ATXN10: variants seen among roughly 807,000 people sequenced by gnomAD.
ATXN10 encodes the protein ataxin 10.
ATXN10 carries 28 observed loss-of-function variants against 52.9 expected under a neutral mutation model. The observed-to-expected ratio is 0.53, with a 90% CI of 0.39 to 0.73. The LOEUF is 0.73. Among genes scored for constraint, ATXN10 ranks in the 30% least tolerant of loss-of-function variants. ATXN10 has a pLI of 0.00. For missense variants in ATXN10, 565 were observed against 577.0 expected (o/e 0.98, Z 0.21); for synonymous variants, 226 against 221.5 (o/e 1.02, Z -0.18).
Position 45,684,576 on chromosome 22 carries a change from C to T in ATXN10, c.117-5136C>T, listed in dbSNP as rs1452037722. Among the ~76,000 whole-genome samples, 1 of 152,132 alleles carries T rather than the reference C, an allele frequency of 6.6e-6. No homozygotes were observed. The highest frequency in any genetic ancestry group is 1.5e-5 in the Non-Finnish European group (1 of 68,016). On this transcript the variant is annotated intron_variant, in intron 1 of 11. Transcript: ENST00000252934. The surrounding 1 kb of genome is among the most constrained non-coding windows in gnomAD (Gnocchi z 4.1). ...AGTTTCATTAGAGCCCAGCCATGTTCACTTGTTTAGGTGTTTCCTGTGGCT... is the reference window on the plus strand; with the variant it reads ...AGTTTCATTAGAGCCCAGCCATGTTTACTTGTTTAGGTGTTTCCTGTGGCT...
At chr22:45,745,168 T>A (rs960081564) in intron 9 of ATXN10, among the ~76,000 whole-genome samples, 5 of 152,132 alleles carry the variant, frequency 3.3e-5, no homozygotes, top group Admixed American at 2.6e-4. Context: ...ATTCTTCAGC[T>A]TCTTCTTTGT....
At position 45,786,653 on chromosome 22, in the gene ATXN10, C is replaced by T. The variant is rs1927333229; in HGVS notation, c.1174-20306C>T. Reference sequence around the variant, plus strand: ...CTTGTACTATTAAATGCCTTTATCTCATAAAATCTTAATTTATAAAATGTA... The same window carrying T: ...CTTGTACTATTAAATGCCTTTATCTTATAAAATCTTAATTTATAAAATGTA... On this transcript the variant is annotated intron_variant, in intron 9 of 11. Coordinates refer to ENST00000252934, the MANE Select transcript of ATXN10 (RefSeq NM_013236.4). The surrounding 1 kb of genome is among the most constrained non-coding windows in gnomAD (Gnocchi z 4.1). Among the ~76,000 whole-genome samples the T allele has an allele frequency of 6.6e-6, 1 of 152,218 alleles. No homozygotes were observed. The highest frequency in any genetic ancestry group is 1.5e-5 in the Non-Finnish European group (1 of 68,034).
In ATXN10 at chr22:45,756,160, T is replaced by C. The variant is rs535361739; in HGVS notation, c.1173+15622T>C. ...TGTTTACCTAGACTTTTTTTTTTTT[T>C]AAAGAGACAAGGTTGTGCTTTCTCA... On this transcript the variant is annotated intron_variant, in intron 9 of 11. Coordinates refer to ENST00000252934, the MANE Select transcript of ATXN10 (RefSeq NM_013236.4). Among the ~76,000 whole-genome samples the C allele has an allele frequency of 3.9e-5, 6 of 152,252 alleles. No individual in the cohort carries two copies. The South Asian group carries it at 1.2e-3, about 32-fold the overall frequency.
At chr22:45,808,288 A>T (rs1451092384) in intron 10 of ATXN10, among the ~76,000 whole-genome samples, 2 of 152,226 alleles carry the variant, frequency 1.3e-5, no homozygotes, top group African/African-American at 4.8e-5. Flanking sequence ...ACAATTGCAG[A>T]TGTTGCATTT....
chr22:45,830,041 A>G (rs996720434), intron 10 of ATXN10, among the ~76,000 whole-genome samples: 1 of 152,246 alleles, frequency 6.6e-6, no homozygotes, highest in Non-Finnish European at 1.5e-5. Context: ...GTGGGACAGA[A>G]TAGAGAATCC....
At position 45,757,268 on chromosome 22, in the gene ATXN10, G is replaced by C. The variant is rs781698605; in HGVS notation, c.1173+16730G>C. On this transcript the variant is annotated intron_variant, in intron 9 of 11. Coordinates refer to ENST00000252934, the MANE Select transcript of ATXN10 (RefSeq NM_013236.4). The surrounding 1 kb of genome is among the most constrained non-coding windows in gnomAD (Gnocchi z 4.6). Reference sequence around the variant, plus strand: ...TGCCTGTTGGAATTCCAACCCTGGCGACTTTCAGCTACACCCTCCTCCCTC... The same window carrying C: ...TGCCTGTTGGAATTCCAACCCTGGCCACTTTCAGCTACACCCTCCTCCCTC... 2.0e-5 allele frequency among the ~76,000 whole-genome samples: 3 copies of C among 152,124 alleles called. No individual in the cohort carries two copies. The South Asian group carries it at 6.2e-4, about 32-fold the overall frequency.
intron 9 of ATXN10, among the ~76,000 whole-genome samples, chr22:45,771,413 CTT>C (rs908863420): frequency 3.2e-5 from 4 of 123,218 alleles, no homozygotes; most frequent in Admixed American, 8.2e-5. Context: ...ATGCTTGAGT[CTT>C]TTTTTTTTTT....
At chr22:45,799,264 A>G (rs1927854384) in intron 9 of ATXN10, among the ~76,000 whole-genome samples, 1 of 152,142 alleles carries the variant, frequency 6.6e-6, no homozygotes, top group South Asian at 2.1e-4. Context: ...AAAATTGATG[A>G]GCTGGTTTTA....
intron 2 of ATXN10, among the ~76,000 whole-genome samples, chr22:45,691,499 G>A (rs1923373749): frequency 6.6e-6 from 1 of 152,244 alleles, no homozygotes; most frequent in Non-Finnish European, 1.5e-5. Context: ...AGAGTCACTT[G>A]TTAAGTGAGA....
intron 9 of ATXN10, among the ~76,000 whole-genome samples, chr22:45,748,367 A>G (rs1200985234): frequency 1.3e-5 from 2 of 152,226 alleles, no homozygotes; most frequent in African/African-American, 2.4e-5. Flanking sequence ...GCAAAGTTCA[A>G]AGTAAACCTC....
Position 45,712,864 on chromosome 22 carries a change from C to T in ATXN10, c.648-5549C>T, listed in dbSNP as rs1924303626. 6.6e-6 allele frequency among the ~76,000 whole-genome samples: 1 copy of T among 152,136 alleles called. No individual in the cohort carries two copies. The highest frequency in any genetic ancestry group is 2.4e-5 in the African/African-American group (1 of 41,434). ...CTAGACCAGCTTTGTAAGCTTTGTC[C>T]AAATTGCTGTGTTAAGCAACTGTGG... On this transcript the variant is annotated intron_variant, in intron 5 of 11. Coordinates refer to ENST00000252934, the MANE Select transcript of ATXN10 (RefSeq NM_013236.4). The surrounding 1 kb of genome is among the most constrained non-coding windows in gnomAD (Gnocchi z 4.6).
rs1001117382 is a variant in ATXN10 at position 45,824,406 on chromosome 22, T to G, written c.1237+17384T>G. On this transcript the variant is annotated intron_variant, in intron 10 of 11. Coordinates refer to ENST00000252934, the MANE Select transcript of ATXN10 (RefSeq NM_013236.4). This position sits in a 1 kb window ranked among gnomAD's most constrained non-coding sequence, Gnocchi z 5.2. ...TTTAACATTGTAGCTTTTATAGTAC[T>G]TTGTAATTATGTGTTTATTTCTCTG... Among the ~76,000 whole-genome samples, 1 of 152,222 alleles carries G rather than the reference T, an allele frequency of 6.6e-6. No homozygotes were observed. Among genetic ancestry groups the G allele is most frequent in the African/African-American group, 2.4e-5 (1 of 41,454 alleles).
rs9614764 is a variant in ATXN10, at chr22:45,705,183, A to C, written c.647+2336A>C. 0.054 allele frequency among the ~76,000 whole-genome samples: 8,169 copies of C among 152,028 alleles called. 245 individuals are homozygous for C. Among genetic ancestry groups the C allele is most frequent in the African/African-American group, 0.079 (3,283 of 41,458 alleles). On this transcript the variant is annotated intron_variant, in intron 5 of 11. Transcript: ENST00000252934. The surrounding 1 kb of genome is among the most constrained non-coding windows in gnomAD (Gnocchi z 5.2). ...GTTCATATTTTGTTGGGGATTTTTG[A>C]ATCTATATTCATAAGGCATATTGGT...
intron 10 of ATXN10, among the ~76,000 whole-genome samples, chr22:45,834,858 G>A (rs146069005): frequency 1.8e-4 from 28 of 152,270 alleles, no homozygotes; most frequent in African/African-American, 5.8e-4. Context: ...GGCTCCTTCC[G>A]AGTCTCAGAT....
At chr22:45,834,954 T>C (rs1045654073) in intron 10 of ATXN10, among the ~76,000 whole-genome samples, 1 of 152,186 alleles carries the variant, frequency 6.6e-6, no homozygotes, top group Admixed American at 6.5e-5. Flanking sequence ...AGAAGTGGTA[T>C]TGGTTGTTTC....
At position 45,790,974 on chromosome 22, in the gene ATXN10, C is replaced by T. The variant is rs1423592931; in HGVS notation, c.1174-15985C>T. ...GGCTCAACCCATCTTCATGCCTCAG[C>T]CTCCCCAGTAGCTGGGACTACAGTT... On this transcript the variant is annotated intron_variant, in intron 9 of 11. Coordinates refer to ENST00000252934, the MANE Select transcript of ATXN10 (RefSeq NM_013236.4). The surrounding 1 kb of genome is among the most constrained non-coding windows in gnomAD (Gnocchi z 4.7). Among the ~76,000 whole-genome samples the T allele has an allele frequency of 6.6e-6, 1 of 152,174 alleles. No homozygotes were observed. Among genetic ancestry groups the T allele is most frequent in the African/African-American group, 2.4e-5 (1 of 41,422 alleles).
At position 45,733,154 on chromosome 22, in the gene ATXN10, A is replaced by G. The variant is rs1925153226; in HGVS notation, c.894+3564A>G. Among the ~76,000 whole-genome samples the G allele has an allele frequency of 2.0e-5, 3 of 152,172 alleles. No individual in the cohort carries two copies. In the South Asian group the frequency reaches 6.2e-4, roughly 32 times the overall value. On this transcript the variant is annotated intron_variant, in intron 7 of 11. Transcript: ENST00000252934. This position sits in a 1 kb window ranked among gnomAD's most constrained non-coding sequence, Gnocchi z 4.4. ...CCTTTTCTCTGAAAGCTCAAAAAAC[A>G]TTCCTTTTAGCTTTGTATTTTCTGA...
rs1266639707 is a variant in ATXN10, at chr22:45,819,714, C to G, written c.1237+12692C>G. 6.6e-6 allele frequency among the ~76,000 whole-genome samples: 1 copy of G among 152,174 alleles called. No homozygotes were observed. The highest frequency in any genetic ancestry group is 2.4e-5 in the African/African-American group (1 of 41,442). ...CTGTGCTTGTATACATTATTATTAT[C>G]ATTTAATGTATGTATTTTCTTATGA... On this transcript the variant is annotated intron_variant, in intron 10 of 11. Transcript: ENST00000252934. The surrounding 1 kb of genome is among the most constrained non-coding windows in gnomAD (Gnocchi z 4.5).
chr22:45,751,740 G>GAAAAAAAAAAAAAAAAAAAAAAAAAA (rs200364242), intron 9 of ATXN10, among the ~76,000 whole-genome samples: 1 of 45,498 alleles, frequency 2.2e-5, no homozygotes. Flanking sequence ...CCTTTTTCTG[G>GAAAAAAAAAAAAAAAAAAAAAAAAAA]AAAAAAAAAA....
Sources: allele counts gnomAD v4.1 joint callset (sites outside exome capture counted in the v4.1 genomes callset), GRCh38; gene constraint gnomAD v4.1.1; non-coding constraint Gnocchi (gnomAD v3.1); transcripts MANE v1.5; gene names NCBI Gene and HGNC (gene_info 2026-07-23, HGNC 2026-07-21).